C8orf34: variants seen among roughly 807,000 people sequenced by gnomAD.
The protein encoded by C8orf34 is chromosome 8 open reading frame 34, also known as uncharacterized protein C8orf34.
C8orf34 carries 65 observed loss-of-function variants against 68.3 expected under a neutral mutation model. That is an observed-to-expected ratio of 0.95 (90% CI 0.78 to 1.17). The LOEUF is 1.17. Among genes scored for constraint, C8orf34 ranks in the 50% most tolerant of loss-of-function variants. The probability of loss-of-function intolerance (pLI) is 0.00; values close to 1 mark genes in which losing one functional copy is unlikely to be tolerated. For missense variants in C8orf34, 664 were observed against 655.4 expected, an observed-to-expected ratio of 1.01 and a Z score of -0.14; for synonymous variants, 244 against 241.2, an observed-to-expected ratio of 1.01 and a Z score of -0.11.
chr8:68,498,602 T>C lies in C8orf34; in HGVS notation c.765+10551T>C, dbSNP rs139067489. On this transcript the variant is annotated intron_variant, in intron 5 of 13. Transcript: ENST00000518698. Reference sequence around the variant, plus strand: ...ATAATTATAATGAGACTGTTGTGTGTGCTTTGCGTGATATACAGAAGAAGT... The same window carrying C: ...ATAATTATAATGAGACTGTTGTGTGCGCTTTGCGTGATATACAGAAGAAGT... Among the ~76,000 whole-genome samples the C allele has an allele frequency of 5.3e-4, 81 of 152,310 alleles. 2 individuals carry two copies. The East Asian group carries it at 0.011, about 21-fold the overall frequency.
intron 4 of C8orf34, among the ~76,000 whole-genome samples, chr8:68,474,745 G>T (rs149561089): frequency 6.6e-6 from 1 of 152,150 alleles, no homozygotes; most frequent in African/African-American, 2.4e-5. Context: ...AGGTCACTGC[G>T]GAAGCAGAAA....
At chr8:68,796,827 T>C (rs922518346) in intron 12 of C8orf34, among the ~76,000 whole-genome samples, 1,045 of 99,342 alleles carry the variant, frequency 0.011, 8 homozygotes, top group Non-Finnish European at 0.015. Context: ...TTCTTCTTTT[T>C]TTTTTTTTTT....
chr8:68,396,490 G>T lies in C8orf34; in HGVS notation c.328-43009G>T, dbSNP rs536560577. ...TTTGAAGGCCCTTCCAGTTCTAGCA[G>T]TCTTAGACTGTCACTCTTGTTCCCC... On this transcript the variant is annotated intron_variant, in intron 1 of 13. Transcript: ENST00000518698. 2.1e-4 allele frequency among the ~76,000 whole-genome samples: 32 copies of T among 151,712 alleles called. 1 individual carries two copies. The South Asian group carries it at 6.3e-3, about 30-fold the overall frequency.
chr8:68,512,675 A>G (rs1814327073), intron 5 of C8orf34, among the ~76,000 whole-genome samples: 1 of 152,126 alleles, frequency 6.6e-6, no homozygotes, highest in Admixed American at 6.5e-5. Flanking sequence ...ATTAATTTTC[A>G]GAATTCTTCC....
chr8:68,680,153 G>T (rs1440982399), intron 8 of C8orf34, among the ~76,000 whole-genome samples: 1 of 152,056 alleles, frequency 6.6e-6, no homozygotes, highest in Non-Finnish European at 1.5e-5. Context: ...AGAATAGGAG[G>T]CCATATTTGA....
intron 1 of C8orf34, among the ~76,000 whole-genome samples, chr8:68,423,768 T>TAA (rs1810087297): frequency 6.6e-6 from 1 of 151,258 alleles, no homozygotes; most frequent in Non-Finnish European, 1.5e-5. Flanking sequence ...AGAAAGGAGG[T>TAA]TTAATTGGCT....
chr8:68,782,256 T>A (rs1823698393), intron 11 of C8orf34, among the ~76,000 whole-genome samples: 1 of 152,162 alleles, frequency 6.6e-6, no homozygotes, highest in Admixed American at 6.5e-5. Context: ...TTTACTTCTG[T>A]TATCTTCTAC....
At chr8:68,394,802 A>G (rs1420287766) in intron 1 of C8orf34, among the ~76,000 whole-genome samples, 1 of 152,034 alleles carries the variant, frequency 6.6e-6, no homozygotes, top group Non-Finnish European at 1.5e-5. Context: ...GGTGCGTTTC[A>G]TTTAATTTTG....
At chr8:68,513,294 ACAT>A (rs1375730999) in intron 5 of C8orf34, among the ~76,000 whole-genome samples, 1 of 152,204 alleles carries the variant, frequency 6.6e-6, no homozygotes, top group Non-Finnish European at 1.5e-5. Flanking sequence ...CTTATTACAG[ACAT>A]CATACACAGC....
chr8:68,426,518 C>CAAAAAAAAAAAAAAAAAAAA (rs753578060), intron 1 of C8orf34, among the ~76,000 whole-genome samples: 3 of 29,610 alleles, frequency 1.0e-4, no homozygotes, highest in African/African-American at 3.1e-4. Flanking sequence ...GACCTTGTCT[C>CAAAAAAAAAAAAAAAAAAAA]AAAAAAAAAA....
chr8:68,615,784 T>A (rs1818190071), intron 7 of C8orf34, among the ~76,000 whole-genome samples: 1 of 152,184 alleles, frequency 6.6e-6, no homozygotes, highest in Non-Finnish European at 1.5e-5. Flanking sequence ...AGCTTTGGTA[T>A]CAGGATGATG....
intron 5 of C8orf34, among the ~76,000 whole-genome samples, chr8:68,502,452 T>G: frequency 6.6e-6 from 1 of 152,024 alleles, no homozygotes; most frequent in Non-Finnish European, 1.5e-5. Context: ...CTGGGAAGAG[T>G]TGAGGATTTA....
intron 7 of C8orf34, 46 bp downstream of exon 7, chr8:68,533,195 TA>T (rs751329709): frequency 2.2e-4 from 336 of 1,537,724 alleles, no homozygotes; most frequent in Admixed American, 3.5e-4. Context: ...TTTGACATTG[TA>T]AAAAAAACGT....
intron 9 of C8orf34, among the ~76,000 whole-genome samples, chr8:68,717,774 A>C (rs192218389): frequency 1.3e-3 from 198 of 152,330 alleles, no homozygotes; most frequent in Non-Finnish European, 2.1e-3. Flanking sequence ...AATATTAAAA[A>C]AACTGCTAAG....
intron 4 of C8orf34, among the ~76,000 whole-genome samples, chr8:68,484,955 A>C (rs1236185560): frequency 1.3e-5 from 2 of 152,270 alleles, no homozygotes; most frequent in Non-Finnish European, 2.9e-5. Context: ...GTATTTGAAC[A>C]AAATATGGTC....
intron 1 of C8orf34, among the ~76,000 whole-genome samples, chr8:68,397,458 A>G (rs1389880357): frequency 6.6e-6 from 1 of 152,152 alleles, no homozygotes; most frequent in African/African-American, 2.4e-5. Context: ...ATTTAAGTAT[A>G]TTTTTACATT....
intron 4 of C8orf34, among the ~76,000 whole-genome samples, chr8:68,487,505 T>C (rs1257271139): frequency 1.1e-4 from 17 of 152,214 alleles, no homozygotes; most frequent in Admixed American, 1.1e-3. Flanking sequence ...ATTTACGCAT[T>C]GGCTCGAGGA....
chr8:68,373,504 G>A (rs1026322416), intron 1 of C8orf34, among the ~76,000 whole-genome samples: 3 of 152,134 alleles, frequency 2.0e-5, no homozygotes, highest in Non-Finnish European at 4.4e-5. Flanking sequence ...GCCCTGTGCA[G>A]ATGTATGTAG....
chr8:68,393,448 T>C (rs999040061), intron 1 of C8orf34, among the ~76,000 whole-genome samples: 25 of 152,056 alleles, frequency 1.6e-4, no homozygotes, highest in Admixed American at 1.6e-3. Flanking sequence ...AATTTGACAG[T>C]CAACCTTCCT....
Sources: gnomAD v4.1 joint callset for allele counts (sites outside exome capture counted in the v4.1 genomes callset) on GRCh38, gnomAD v4.1.1 for gene constraint, MANE v1.5 for transcripts, NCBI Gene and HGNC (gene_info 2026-07-23, HGNC 2026-07-21) for gene names.